The following C2orf92 variants were observed in gnomAD, a reference collection of about 807,000 sequenced individuals.
C2orf92 encodes the protein uncharacterized protein C2orf92.
At chr2:97,669,702 C>T (rs1675346658), upstream of C2orf92, 4 of 397,880 alleles carry the variant, frequency 1.0e-5, no homozygotes, top group African/African-American at 2.1e-5. Context: ...CGTTAGGTTC[C>T]GTGGTACCCT....
At chr2:97,688,852 C>T in intron 3 of C2orf92, 43 bp from the exon 4 acceptor site, 2 of 398,534 alleles carry the variant, frequency 5.0e-6, no homozygotes, top group East Asian at 3.6e-5. Flanking sequence ...ATATATCAAT[C>T]CTGCGTTGCT....
chr2:97,701,342 G>A (rs755812462), intron 7 of C2orf92, 38 bp downstream of exon 7: 43 of 398,304 alleles, frequency 1.1e-4, no homozygotes, highest in Middle Eastern at 1.3e-3. Context: ...CCAAGAACCC[G>A]CGGGTGTTAG....
intron 5 of C2orf92, among the ~76,000 whole-genome samples, chr2:97,691,436 C>T (rs770062190): frequency 3.3e-5 from 5 of 152,160 alleles, no homozygotes; most frequent in Admixed American, 3.3e-4. Context: ...TGTGGGAAAG[C>T]GCTGCCTCCA....
intron 3 of C2orf92, among the ~76,000 whole-genome samples, chr2:97,687,420 C>G (rs979206394): frequency 2.0e-5 from 3 of 152,154 alleles, no homozygotes; most frequent in South Asian, 4.1e-4. Flanking sequence ...ACCACCACCA[C>G]CACCACCACA....
At chr2:97,696,370 A>G (rs1284490346) in intron 5 of C2orf92, among the ~76,000 whole-genome samples, 1 of 151,692 alleles carries the variant, frequency 6.6e-6, no homozygotes, top group African/African-American at 2.4e-5. Context: ...CTCTCAGGCT[A>G]CTCTGCAGGG....
chr2:97,694,415 A>AT (rs60768687), intron 5 of C2orf92: 4,269 of 129,866 alleles, frequency 0.033, 177 homozygotes, highest in African/African-American at 0.094. Context: ...CGCCCGGCTA[A>AT]TTTTTTTTTT....
chr2:97,700,362 C>G (rs1210465565), intron 6 of C2orf92, among the ~76,000 whole-genome samples: 5 of 152,130 alleles, frequency 3.3e-5, no homozygotes, highest in Admixed American at 6.5e-5. Context: ...GGCCAGGGGG[C>G]AGAGGAGGGG....
upstream of C2orf92, chr2:97,668,277 C>T (rs1032317141): frequency 6.6e-6 from 1 of 151,736 alleles, no homozygotes; most frequent in Non-Finnish European, 1.5e-5. Context: ...TACATGGTAC[C>T]CTCTCTTCAT....
intron 1 of C2orf92, chr2:97,670,735 T>A (rs1048202693): frequency 3.9e-5 from 6 of 151,964 alleles, no homozygotes; most frequent in South Asian, 2.1e-4. Context: ...GCTAATTTTT[T>A]AAATTTCTGT....
At chr2:97,674,175 G>T in intron 1 of C2orf92, 1 of 259,750 alleles carries the variant, frequency 3.8e-6, no homozygotes, top group Non-Finnish European at 7.2e-6. Context: ...GTGGCAGAAT[G>T]ACAAGAGGAA....
At chr2:97,664,294 G>C (rs1675130684) in exon 1 of C2orf92, 1 of 152,898 alleles carries the variant, frequency 6.5e-6, no homozygotes, top group African/African-American at 2.4e-5. Flanking sequence ...GCCGGAGTCT[G>C]TGGAGCTGGA....
In C2orf92 at chr2:97,699,062, G is replaced by A. The variant is rs1471950335; in HGVS notation, c.440G>A (p.Cys147Tyr). 1 of 398,428 alleles carries A rather than the reference G, an allele frequency of 2.5e-6. No individual in the cohort carries two copies. The highest frequency in any genetic ancestry group is 4.4e-6 in the Non-Finnish European group (1 of 226,054). The allele number at this position is 398,428 out of a possible 1,614,324, so 24.7% of individuals were successfully genotyped here. ...LSEEKNFKESCLFDRDLREQL... is the reference protein window; with the variant it reads ...LSEEKNFKESYLFDRDLREQL... The stretch of plus-strand genomic sequence containing the variant: ...GAGGAGAAGAATTTTAAAGAATCCT[G>A]TCTGTTCGACAGGGATTTAAGAGAG... Residue 147 changes from cysteine (C) to tyrosine (Y), a missense_variant, in exon 6 of 8, where the codon TGT becomes TAT. Transcript: ENST00000627399.
At chr2:97,693,012 G>C (rs1676189835) in intron 5 of C2orf92, among the ~76,000 whole-genome samples, 1 of 152,204 alleles carries the variant, frequency 6.6e-6, no homozygotes, top group African/African-American at 2.4e-5. Flanking sequence ...GATACTTTTT[G>C]GGTATTTTTT....
upstream of C2orf92, chr2:97,665,735 CTCTATATATATATATA>C (rs1330720388): frequency 3.0e-3 from 52 of 17,288 alleles, no homozygotes; most frequent in African/African-American, 0.011. Context: ...CTCTCTCTCT[CTCTATATATATATATA>C]TATATATATA....
chr2:97,683,815 A>C (rs1224002716), intron 3 of C2orf92, among the ~76,000 whole-genome samples: 4 of 152,200 alleles, frequency 2.6e-5, no homozygotes, highest in Non-Finnish European at 5.9e-5. Context: ...GTAGAATAGA[A>C]TAGAAAGTTC....
At chr2:97,670,303 G>A (rs1675370572) in intron 1 of C2orf92, 1 of 152,110 alleles carries the variant, frequency 6.6e-6, no homozygotes, top group Non-Finnish European at 1.5e-5. Context: ...ACAGGCCTAG[G>A]CAACATCATG....
At chr2:97,671,676 T>C in intron 1 of C2orf92, 1 of 388,062 alleles carries the variant, frequency 2.6e-6, no homozygotes, top group East Asian at 3.6e-5. Flanking sequence ...AAACAGATGA[T>C]AAACACCTCA....
chr2:97,670,698 G>A (rs1675386682), intron 1 of C2orf92: 1 of 151,776 alleles, frequency 6.6e-6, no homozygotes, highest in African/African-American at 2.4e-5. Context: ...AGGTAGCTGG[G>A]ACCACAGGCA....
At chr2:97,696,877 C>T (rs549465315) in intron 5 of C2orf92, among the ~76,000 whole-genome samples, 1 of 152,210 alleles carries the variant, frequency 6.6e-6, no homozygotes, top group African/African-American at 2.4e-5. Flanking sequence ...TACTGATGAT[C>T]ATAGGTCCAC....
Sources: allele counts gnomAD v4.1 joint callset (sites outside exome capture counted in the v4.1 genomes callset), GRCh38; gene constraint gnomAD v4.1.1; transcripts MANE v1.5; gene names NCBI Gene and HGNC (gene_info 2026-07-23, HGNC 2026-07-21).